IMPG1: variants seen among roughly 807,000 people sequenced by gnomAD.
IMPG1 encodes the protein interphotoreceptor matrix proteoglycan 1.
In IMPG1, 85 loss-of-function variants were observed where a neutral mutation model predicts 92.0. The ratio of observed to expected loss-of-function variants is 0.92; its 90% CI spans 0.78 to 1.11. The LOEUF (loss-of-function observed/expected upper bound fraction) is 1.11. Among genes scored for constraint, IMPG1 ranks in the 50% least tolerant of loss-of-function variants. IMPG1 has a pLI of 0.00. For synonymous variants in IMPG1, 367 were observed against 334.1 expected, an observed-to-expected ratio of 1.10 and a Z score of -1.08; for missense variants, 1,022 against 956.0, an observed-to-expected ratio of 1.07 and a Z score of -0.91.
intron 7 of IMPG1, 72 bp downstream of exon 7, chr6:76,018,646 G>A: frequency 4.9e-6 from 7 of 1,416,416 alleles, no homozygotes; most frequent in Non-Finnish European, 5.8e-6. Context: ...TCGCCGTAAG[G>A]GTTTATGTCC....
At chr6:75,985,818 AT>A (rs954026920) in intron 12 of IMPG1, among the ~76,000 whole-genome samples, 10 of 152,192 alleles carry the variant, frequency 6.6e-5, no homozygotes, top group Non-Finnish European at 1.5e-5. Flanking sequence ...ATATGCACTT[AT>A]CAAAATATTC....
chr6:75,960,217 C>T (rs927856415), intron 12 of IMPG1, among the ~76,000 whole-genome samples: 7 of 152,138 alleles, frequency 4.6e-5, no homozygotes, highest in African/African-American at 1.7e-4. Flanking sequence ...CTAACCAGTC[C>T]CAGTGAGATG....
chr6:75,978,704 C>T (rs1160144402), intron 12 of IMPG1, among the ~76,000 whole-genome samples: 1 of 152,238 alleles, frequency 6.6e-6, no homozygotes. Context: ...TACTATTTTC[C>T]ATGTACTTGC....
intron 12 of IMPG1, among the ~76,000 whole-genome samples, chr6:76,002,699 G>A (rs1473203464): frequency 6.6e-6 from 1 of 152,214 alleles, no homozygotes; most frequent in Non-Finnish European, 1.5e-5. Context: ...GGTGCTGGCT[G>A]TAGGACTGGG....
rs201558857 is a variant in IMPG1 at position 75,950,808 on chromosome 6, G to C, written c.1578C>G (p.Asp526Glu). ...VRHLDEMDLS[D>E]TPAPSEVPEL... is the part of the protein sequence containing the mutation. ...CTGGTACCTCAGATGGGGCAGGAGT[G>C]TCAGACAGATCCATTTCATCTAGGT... is the stretch of plus-strand genomic sequence containing the variant. The change falls in exon 13 of 17, where the codon GAC becomes GAG. Residue 526 changes from aspartate (D) to glutamate (E), a missense_variant. Physicochemically the swap from Asp to Glu is conservative, Grantham distance 45. Around this residue, in one of 3 missense-constraint regions of IMPG1, gnomAD observed 332 missense variants for 346.2 expected, o/e 0.96. Transcript: ENST00000369950. 102 of 1,613,844 alleles carry C rather than the reference G, an allele frequency of 6.3e-5. No individual in the cohort carries two copies. The highest frequency in any genetic ancestry group is 8.2e-5 in the Non-Finnish European group (97 of 1,179,932).
chr6:75,922,693 A>G (rs1781449966), intron 16 of IMPG1, among the ~76,000 whole-genome samples: 1 of 152,216 alleles, frequency 6.6e-6, no homozygotes, highest in African/African-American at 2.4e-5. Context: ...CATTTTGTCA[A>G]TATCAGATCC....
chr6:76,048,746 C>T (rs528067030), intron 1 of IMPG1, among the ~76,000 whole-genome samples: 32 of 152,262 alleles, frequency 2.1e-4, no homozygotes, highest in Non-Finnish European at 3.1e-4. Context: ...TTTACACTGA[C>T]GCAAAACTAT....
At chr6:75,947,887 T>C (rs1405507259) in intron 13 of IMPG1, among the ~76,000 whole-genome samples, 1 of 150,742 alleles carries the variant, frequency 6.6e-6, no homozygotes, top group African/African-American at 2.4e-5. Flanking sequence ...TAAATAAAAA[T>C]ATGTTCCAAA....
intron 14 of IMPG1, among the ~76,000 whole-genome samples, chr6:75,943,727 C>T (rs1781875167): frequency 6.6e-6 from 1 of 152,234 alleles, no homozygotes; most frequent in African/African-American, 2.4e-5. Context: ...TCTCATTGAC[C>T]AGCCTGGAGG....
chr6:75,983,326 T>C (rs1034945320), intron 12 of IMPG1, among the ~76,000 whole-genome samples: 2 of 152,142 alleles, frequency 1.3e-5, no homozygotes, highest in Non-Finnish European at 2.9e-5. Context: ...CAATGACCTG[T>C]GTATTTGTGC....
At chr6:75,991,501 G>C (rs1450715307) in intron 12 of IMPG1, among the ~76,000 whole-genome samples, 1 of 152,080 alleles carries the variant, frequency 6.6e-6, no homozygotes, top group East Asian at 1.9e-4. Flanking sequence ...AGAAACCCTT[G>C]CAGCTATGAA....
At chr6:76,034,446 C>T (rs1044087133) in intron 3 of IMPG1, 103 bp from the exon 4 acceptor site, 3 of 1,236,496 alleles carry the variant, frequency 2.4e-6, no homozygotes, top group Non-Finnish European at 3.5e-6. Flanking sequence ...ACACTTCAAC[C>T]TGACTGTACC....
At chr6:76,049,190 A>T (rs2225036) in intron 1 of IMPG1, among the ~76,000 whole-genome samples, 2 of 151,872 alleles carry the variant, frequency 1.3e-5, no homozygotes. Flanking sequence ...GGGGCCTATC[A>T]GAGAGTGGAG....
chr6:76,036,647 A>G (rs1366782803), intron 2 of IMPG1, among the ~76,000 whole-genome samples: 1 of 152,244 alleles, frequency 6.6e-6, no homozygotes, highest in Non-Finnish European at 1.5e-5. Context: ...GGATAAACAT[A>G]AATTACATTA....
intron 14 of IMPG1, 119 bp downstream of exon 14, chr6:75,947,195 C>G (rs1443677502): frequency 4.2e-6 from 3 of 714,062 alleles, no homozygotes; most frequent in South Asian, 3.7e-5. Context: ...GTTATTTCAT[C>G]TGGTATCATT....
intron 12 of IMPG1, among the ~76,000 whole-genome samples, chr6:75,990,675 G>C (rs1438376298): frequency 6.6e-6 from 1 of 151,952 alleles, no homozygotes; most frequent in African/African-American, 2.4e-5. Context: ...TGGATGATGT[G>C]ACCCGTCACT....
At chr6:75,975,344 T>C (rs1330733195) in intron 12 of IMPG1, among the ~76,000 whole-genome samples, 2 of 152,242 alleles carry the variant, frequency 1.3e-5, no homozygotes, top group Non-Finnish European at 2.9e-5. Context: ...GACATATCTC[T>C]GATGTCCTGA....
At position 75,988,463 on chromosome 6, in the gene IMPG1, G is replaced by A. The variant is rs1319604565; in HGVS notation, c.1291+14455C>T. 2.0e-5 allele frequency among the ~76,000 whole-genome samples: 3 copies of A among 152,114 alleles called. No individual in the cohort carries two copies. The East Asian group carries it at 5.8e-4, about 29-fold the overall frequency. On this transcript the variant is annotated intron_variant, in intron 12 of 16. Transcript: ENST00000369950. ...TCATATCGTTTGCCTACTTTTTGAT[G>A]GGGTTGTTTGATTTTTTCTTGTAAA...
At chr6:75,941,764 G>A (rs1004799771) in intron 14 of IMPG1, among the ~76,000 whole-genome samples, 2 of 152,124 alleles carry the variant, frequency 1.3e-5, no homozygotes, top group African/African-American at 4.8e-5. Flanking sequence ...CTTGTCCTCT[G>A]GCTACCTAAA....
Sources: gnomAD v4.1 joint callset for allele counts (sites outside exome capture counted in the v4.1 genomes callset) on GRCh38, gnomAD v4.1.1 for gene constraint, gnomAD v4.1.1 regional missense constraint, MANE v1.5 for transcripts, NCBI Gene and HGNC (gene_info 2026-07-23, HGNC 2026-07-21) for gene names.